NRG1: variants seen among roughly 807,000 people sequenced by gnomAD.
The protein encoded by NRG1 is pro-neuregulin-1, membrane-bound isoform.
Under a neutral mutation model 63.8 loss-of-function variants are expected in NRG1, and 18 were observed. The observed-to-expected ratio is 0.28, with a 90% CI of 0.19 to 0.42. NRG1 has a LOEUF of 0.42. NRG1 is among the 10% of genes least tolerant of loss of function. The pLI, the probability that NRG1 is intolerant of heterozygous loss-of-function variation, is 1.00. For synonymous variants in NRG1, 302 were observed against 301.3 expected (o/e 1.00, Z -0.02); for missense variants, 762 against 814.7 (o/e 0.94, Z 0.79).
chr8:32,750,607 T>G (rs1828507823), intron 7 of NRG1, among the ~76,000 whole-genome samples: 1 of 150,336 alleles, frequency 6.7e-6, no homozygotes, highest in African/African-American at 2.5e-5. Context: ...GATGATAACA[T>G]CACAGGCTGG....
At position 31,648,708 on chromosome 8, in the gene NRG1, C is replaced by T. The variant is rs1478044643; in HGVS notation, c.37+9277C>T. 3.9e-5 allele frequency among the ~76,000 whole-genome samples: 6 copies of T among 152,248 alleles called. No individual in the cohort carries two copies. In the South Asian group the frequency reaches 6.2e-4, roughly 16 times the overall value. Reference sequence around the variant, plus strand: ...CACTTACCATAATGTCCTCAAGGTTCATCATGTTGTAGCATATGTCAGAAT... The same window carrying T: ...CACTTACCATAATGTCCTCAAGGTTTATCATGTTGTAGCATATGTCAGAAT... On this transcript the variant is annotated intron_variant, in intron 1 of 10. Coordinates refer to the NRG1 transcript ENST00000519301.
intron 1 of NRG1, among the ~76,000 whole-genome samples, chr8:32,409,669 AG>A (rs1445444111): frequency 6.6e-6 from 1 of 152,242 alleles, no homozygotes; most frequent in Non-Finnish European, 1.5e-5. Context: ...GAAAGTGAAC[AG>A]AGCAGGTACA....
In NRG1 at chr8:32,548,297, C is replaced by G. The variant is rs1308551717; in HGVS notation, c.-430C>G. On this transcript the variant is annotated 5_prime_UTR_variant, in exon 1 of 12. Coordinates refer to ENST00000356819, the Ensembl canonical transcript of NRG1. ...TGCGGGGCAATTGAAAAAGAGCCGG[C>G]GAGGAGTTCCCCGAAACTTGTTGGA... is the stretch of plus-strand genomic sequence containing the variant. The G allele has an allele frequency of 1.0e-6, 1 of 989,454 alleles. No individual in the cohort carries two copies. The highest frequency in any genetic ancestry group is 1.2e-6 in the Non-Finnish European group (1 of 832,894). The allele number at this position is 989,454 out of a possible 1,614,324, so 61.3% of individuals were successfully genotyped here. A position where few individuals can be genotyped will look rare whatever the true frequency, so the allele number is the denominator to read the frequency against.
chr8:32,627,497 A>G (rs1392038873), intron 5 of NRG1, among the ~76,000 whole-genome samples: 1 of 152,184 alleles, frequency 6.6e-6, no homozygotes, highest in Non-Finnish European at 1.5e-5. Context: ...TTTAATAGAG[A>G]CCAGGTCTTA....
At chr8:31,709,066 T>C (rs943392585) in intron 1 of NRG1, among the ~76,000 whole-genome samples, 1 of 152,160 alleles carries the variant, frequency 6.6e-6, no homozygotes, top group African/African-American at 2.4e-5. Flanking sequence ...GCAATTTTTA[T>C]GTATATTTAT....
intron 1 of NRG1, among the ~76,000 whole-genome samples, chr8:32,242,269 T>C (rs2129469741): frequency 6.6e-6 from 1 of 151,880 alleles, no homozygotes; most frequent in Non-Finnish European, 1.5e-5. Context: ...AGGTCAGGAG[T>C]TCGAGACCAC....
At chr8:32,286,461 C>T (rs1374866084) in intron 1 of NRG1, among the ~76,000 whole-genome samples, 1 of 152,180 alleles carries the variant, frequency 6.6e-6, no homozygotes, top group Non-Finnish European at 1.5e-5. Flanking sequence ...TATTTGTCCA[C>T]TCTAAATCTC....
chr8:32,003,347 G>T (rs1221318853), intron 1 of NRG1, among the ~76,000 whole-genome samples: 1 of 152,040 alleles, frequency 6.6e-6, no homozygotes, highest in African/African-American at 2.4e-5. Flanking sequence ...TAATTGACAT[G>T]TATAGACTAT....
At chr8:32,769,143 G>T (rs1366425472), downstream of NRG1, among the ~76,000 whole-genome samples, 1 of 152,150 alleles carries the variant, frequency 6.6e-6, no homozygotes, top group African/African-American at 2.4e-5. Flanking sequence ...GCCATGCAGA[G>T]AATATTTAAA....
At chr8:32,707,894 C>T (rs1256648036) in intron 5 of NRG1, among the ~76,000 whole-genome samples, 3 of 151,786 alleles carry the variant, frequency 2.0e-5, no homozygotes, top group South Asian at 4.2e-4. Flanking sequence ...ATTAGAGACT[C>T]TCTTTCTCCC....
intron 1 of NRG1, among the ~76,000 whole-genome samples, chr8:32,439,928 C>T (rs998914684): frequency 6.6e-6 from 1 of 151,924 alleles, no homozygotes; most frequent in African/African-American, 2.4e-5. Flanking sequence ...AGGTGCACCC[C>T]ACCACACCTG....
intron 1 of NRG1, among the ~76,000 whole-genome samples, chr8:32,493,575 T>C (rs1826847168): frequency 6.6e-6 from 1 of 152,218 alleles, no homozygotes; most frequent in Admixed American, 6.5e-5. Flanking sequence ...ATGACATTCT[T>C]ATAATTGCCT....
rs1846944774 is a variant in NRG1 at position 32,614,454 on chromosome 8, G to A, written c.401-60G>A. On this transcript the variant is annotated intron_variant, in intron 3 of 11. Transcript: ENST00000356819. ...AACTTTTAGTTCCAAGGCAGGCTGT[G>A]GTACCTGCTCCCGGCCTCCTGTTTA... 5 of 1,538,158 alleles carry A rather than the reference G, an allele frequency of 3.3e-6. No homozygotes were observed. The East Asian group carries it at 1.1e-4, about 35-fold the overall frequency.
At chr8:32,184,571 AT>A (rs144930562) in intron 1 of NRG1, among the ~76,000 whole-genome samples, 96 of 150,888 alleles carry the variant, frequency 6.4e-4, no homozygotes, top group South Asian at 1.5e-3. Flanking sequence ...GATAGCTACT[AT>A]TTTTTTTTAA....
chr8:32,032,572 A>G (rs938510971), intron 1 of NRG1, among the ~76,000 whole-genome samples: 3 of 152,146 alleles, frequency 2.0e-5, no homozygotes, highest in Admixed American at 6.5e-5. Flanking sequence ...AGCCATGAAT[A>G]TCTTCTTTTG....
intron 1 of NRG1, among the ~76,000 whole-genome samples, chr8:31,960,734 G>A (rs1036026460): frequency 1.8e-4 from 28 of 152,194 alleles, no homozygotes; most frequent in African/African-American, 6.5e-4. Context: ...TCCAGTAAGG[G>A]GCTCAGCCCC....
intron 1 of NRG1, among the ~76,000 whole-genome samples, chr8:31,681,319 T>C (rs926753497): frequency 6.6e-6 from 1 of 152,126 alleles, no homozygotes; most frequent in African/African-American, 2.4e-5. Flanking sequence ...ACCCTATTTA[T>C]CCTTGTTAAA....
At chr8:32,092,022 AAAGACACT>A (rs1320350933) in intron 1 of NRG1, among the ~76,000 whole-genome samples, 1 of 152,194 alleles carries the variant, frequency 6.6e-6, no homozygotes, top group African/African-American at 2.4e-5. Flanking sequence ...TTTTGAAAAC[AAAGACACT>A]AAGACCATTC....
At chr8:31,951,262 T>C (rs888060850) in intron 1 of NRG1, among the ~76,000 whole-genome samples, 4 of 152,228 alleles carry the variant, frequency 2.6e-5, no homozygotes, top group African/African-American at 9.6e-5. Flanking sequence ...GGCCTCATTC[T>C]CTTCCCTTTA....
Sources: gnomAD v4.1 joint callset for allele counts (sites outside exome capture counted in the v4.1 genomes callset) on GRCh38, gnomAD v4.1.1 for gene constraint, MANE v1.5 for transcripts, NCBI Gene and HGNC (gene_info 2026-07-23, HGNC 2026-07-21) for gene names.